The following NDUFS4 variants were observed in gnomAD, a reference collection of about 807,000 sequenced individuals.
NDUFS4 encodes the protein NADH:ubiquinone oxidoreductase subunit S4.
In NDUFS4, 28 loss-of-function variants were observed where a neutral mutation model predicts 24.3. The observed-to-expected ratio is 1.15, with a 90% confidence interval of 0.85 to 1.58. The LOEUF is 1.58. Among genes scored for constraint, NDUFS4 ranks in the 40% most tolerant of loss-of-function variants. The pLI is 0.00. For synonymous variants in NDUFS4, 93 were observed against 69.7 expected (o/e 1.34, Z -1.67); for missense variants, 223 against 207.9 (o/e 1.07, Z -0.45).
intron 3 of NDUFS4, among the ~76,000 whole-genome samples, chr5:53,654,020 T>C (rs1339602866): frequency 3.9e-5 from 6 of 152,180 alleles, no homozygotes; most frequent in Admixed American, 2.6e-4. Context: ...TTTCTCCTTA[T>C]AGCCAATTTC....
chr5:53,669,655 A>G (rs137927883), intron 4 of NDUFS4, among the ~76,000 whole-genome samples: 131 of 152,148 alleles, frequency 8.6e-4, no homozygotes, highest in Non-Finnish European at 1.5e-3. Context: ...AACACACCCT[A>G]TTGTATGTCA....
chr5:53,655,257 C>T (rs1420448126), intron 3 of NDUFS4, among the ~76,000 whole-genome samples: 1 of 152,128 alleles, frequency 6.6e-6, no homozygotes, highest in Non-Finnish European at 1.5e-5. Flanking sequence ...GGAGAAACAG[C>T]ATTTCCAGTA....
chr5:53,613,114 G>C (rs1448606763), intron 2 of NDUFS4, among the ~76,000 whole-genome samples: 2 of 151,978 alleles, frequency 1.3e-5, no homozygotes, highest in Non-Finnish European at 2.9e-5. Flanking sequence ...CCCTCTAAGG[G>C]GTCAGTTTTC....
At chr5:53,603,151 C>T (rs1266750021) in intron 1 of NDUFS4, among the ~76,000 whole-genome samples, 1 of 152,168 alleles carries the variant, frequency 6.6e-6, no homozygotes, top group South Asian at 2.1e-4. Flanking sequence ...ACAAATCAGC[C>T]ACTGTACACT....
chr5:53,589,934 A>G (rs1486718255), intron 1 of NDUFS4, among the ~76,000 whole-genome samples: 1 of 152,130 alleles, frequency 6.6e-6, no homozygotes, highest in Non-Finnish European at 1.5e-5. Context: ...CAACTTGCAG[A>G]TGGCTTATTG....
chr5:53,678,617 T>A (rs1217807000), intron 4 of NDUFS4, among the ~76,000 whole-genome samples: 1 of 152,188 alleles, frequency 6.6e-6, no homozygotes, highest in Admixed American at 6.6e-5. Context: ...TGCAAGTATT[T>A]TCACTTCCAT....
Position 53,621,690 on chromosome 5 carries a change from A to ATT in NDUFS4, c.177+18188_177+18189dup, listed in dbSNP as rs58169759. 5.7e-3 allele frequency among the ~76,000 whole-genome samples: 461 copies of ATT among 81,556 alleles called. 25 individuals are homozygous for ATT. Among genetic ancestry groups the ATT allele is most frequent in the East Asian group, 0.014 (29 of 2,018 alleles). The allele number at this position is 81,556 out of a possible 152,430, so 53.5% of individuals were successfully genotyped here. ...ATATTTGTTATAAACCTCATAGTAA[A>ATT]TTTTTTTTTTTTTTTTTTTTTTTTT... On this transcript the variant is annotated intron_variant, in intron 2 of 4. Coordinates refer to ENST00000296684, the MANE Select transcript of NDUFS4 (RefSeq NM_002495.4).
At chr5:53,582,241 A>AAATTAAATT (rs1554054140) in intron 1 of NDUFS4, among the ~76,000 whole-genome samples, 44 of 134,068 alleles carry the variant, frequency 3.3e-4, no homozygotes, top group Admixed American at 5.8e-4. Context: ...AAAATAAAAT[A>AAATTAAATT]AAATTAAATT....
chr5:53,615,105 A>G (rs1054044307), intron 2 of NDUFS4, among the ~76,000 whole-genome samples: 1 of 151,716 alleles, frequency 6.6e-6, no homozygotes. Flanking sequence ...TTTACACTCT[A>G]TTTGAATTTG....
chr5:53,681,451 T>A (rs1188490033), intron 4 of NDUFS4, among the ~76,000 whole-genome samples: 1 of 152,172 alleles, frequency 6.6e-6, no homozygotes, highest in Non-Finnish European at 1.5e-5. Flanking sequence ...ACATGTACTT[T>A]AATCCTCATG....
At chr5:53,579,771 G>C (rs1418320113) in intron 1 of NDUFS4, among the ~76,000 whole-genome samples, 1 of 152,198 alleles carries the variant, frequency 6.6e-6, no homozygotes. Context: ...AGGATCTTGA[G>C]ATGGGAAGAT....
At chr5:53,634,332 A>G (rs1579901596) in intron 2 of NDUFS4, among the ~76,000 whole-genome samples, 1 of 152,162 alleles carries the variant, frequency 6.6e-6, no homozygotes. Context: ...TTCAGATGTA[A>G]TTAAGTTCCT....
intron 4 of NDUFS4, among the ~76,000 whole-genome samples, chr5:53,666,639 A>G (rs1250763162): frequency 6.7e-6 from 1 of 148,326 alleles, no homozygotes; most frequent in Admixed American, 6.7e-5. Context: ...ATGACTTTCT[A>G]AAATATATTT....
intron 3 of NDUFS4, among the ~76,000 whole-genome samples, chr5:53,652,775 G>A (rs185891563): frequency 6.6e-6 from 1 of 152,060 alleles, no homozygotes; most frequent in Non-Finnish European, 1.5e-5. Context: ...ATTTATCTTT[G>A]TGTAAATATG....
intron 3 of NDUFS4, among the ~76,000 whole-genome samples, chr5:53,648,677 G>A (rs1472799193): frequency 1.3e-5 from 2 of 152,098 alleles, no homozygotes; most frequent in African/African-American, 4.8e-5. Flanking sequence ...GACATTCCTG[G>A]TTGTAATAAG....
chr5:53,622,494 C>T (rs1441964956), intron 2 of NDUFS4, among the ~76,000 whole-genome samples: 1 of 152,050 alleles, frequency 6.6e-6, no homozygotes, highest in East Asian at 1.9e-4. Flanking sequence ...TATCTCTTCT[C>T]ATAAGGGCAC....
Position 53,621,690 on chromosome 5 carries a change from ATTTTTTTTTT to A in NDUFS4, c.177+18180_177+18189del, listed in dbSNP as rs58169759. 9.2e-4 allele frequency among the ~76,000 whole-genome samples: 75 copies of A among 81,566 alleles called. 1 individual carries two copies. Among genetic ancestry groups the A allele is most frequent in the African/African-American group, 2.5e-3 (45 of 18,088 alleles). The allele number at this position is 81,566 out of a possible 152,430, so 53.5% of individuals were successfully genotyped here. ...ATATTTGTTATAAACCTCATAGTAA[ATTTTTTTTTT>A]TTTTTTTTTTTTTTTTTTTGAGACG... is the stretch of plus-strand genomic sequence containing the variant. On this transcript the variant is annotated intron_variant, in intron 2 of 4. Coordinates refer to ENST00000296684, the MANE Select transcript of NDUFS4 (RefSeq NM_002495.4).
At chr5:53,631,054 G>A (rs1205633048) in intron 2 of NDUFS4, among the ~76,000 whole-genome samples, 1 of 152,138 alleles carries the variant, frequency 6.6e-6, no homozygotes, top group Non-Finnish European at 1.5e-5. Flanking sequence ...GTGACCTATG[G>A]ATGGGGTTTT....
At chr5:53,662,712 G>A (rs111229555) in intron 4 of NDUFS4, among the ~76,000 whole-genome samples, 2 of 152,160 alleles carry the variant, frequency 1.3e-5, no homozygotes, top group Non-Finnish European at 2.9e-5. Context: ...CTTCTTCCTG[G>A]TTTAGCCTTG....
Sources: gnomAD v4.1 joint callset for allele counts (sites outside exome capture counted in the v4.1 genomes callset) on GRCh38, gnomAD v4.1.1 for gene constraint, MANE v1.5 for transcripts, NCBI Gene and HGNC (gene_info 2026-07-23, HGNC 2026-07-21) for gene names.